The following POF1B variants were observed in gnomAD, a reference collection of about 807,000 sequenced individuals.
The protein encoded by POF1B is POF1B actin binding protein, also known as protein POF1B.
Under a neutral mutation model 55.3 loss-of-function variants are expected in POF1B, and 53 were observed. The observed-to-expected ratio is 0.96, with a 90% CI of 0.77 to 1.20. POF1B has a LOEUF of 1.20. Ranked by LOEUF, POF1B falls within the 50% of genes most tolerant of loss-of-function variation. The pLI is 0.00. For synonymous variants in POF1B, 188 were observed against 148.3 expected, an observed-to-expected ratio of 1.27 and a Z score of -1.95; for missense variants, 478 against 420.5, an observed-to-expected ratio of 1.14 and a Z score of -1.20.
intron 3 of POF1B, among the ~76,000 whole-genome samples, chrX:85,363,869 G>A (rs750180536): frequency 1.8e-5 from 2 of 111,030 alleles, no homozygotes; most frequent in African/African-American, 3.3e-5. Context: ...CACTATTATC[G>A]CATGGGAGTC....
Position 85,314,475 on chromosome X carries a change from C to G in POF1B, c.914G>C (p.Gly305Ala). ...TTGCTGTTTTGTAAACTCTGATAAT[C>G]CTTTAGGAATCAATGATTCAATGTC... ...SEDIESLIPK[G>A]LSEFTKQQIR... The change falls in exon 9 of 17, where the codon GGA becomes GCA. Residue 305 changes from glycine to alanine, a missense_variant. Physicochemically the swap from Gly to Ala is moderately conservative, Grantham distance 60. Transcript: ENST00000262753. 8.4e-7 allele frequency: 1 copy of G among 1,197,471 alleles called. No homozygotes were observed. The highest frequency in any genetic ancestry group is 1.8e-5 in the South Asian group (1 of 54,758).
At chrX:85,317,792 C>T (rs1489343767) in intron 7 of POF1B, among the ~76,000 whole-genome samples, 1 of 111,584 alleles carries the variant, frequency 9.0e-6, no homozygotes, top group Non-Finnish European at 1.9e-5. Context: ...CAGCACTATT[C>T]ACAATAGCAA....
chrX:85,359,538 T>C lies in POF1B; in HGVS notation c.438+12A>G. ...CTAAAGAATTATATGTTGGTAAAAG[T>C]TGGTGTCTTACCTGTTCAGGATTTT... On this transcript the variant is annotated intron_variant, in intron 4 of 16. Transcript: ENST00000262753. 1.7e-6 allele frequency: 2 copies of C among 1,154,161 alleles called. No homozygotes were observed. The highest frequency in any genetic ancestry group is 2.4e-6 in the Non-Finnish European group (2 of 848,708).
intron 4 of POF1B, 99 bp from the exon 5 acceptor site, chrX:85,351,550 C>T: frequency 1.9e-6 from 1 of 535,139 alleles, no homozygotes. Flanking sequence ...CTCTGAAGTA[C>T]TGGCTGACCT....
intron 2 of POF1B, among the ~76,000 whole-genome samples, chrX:85,372,298 C>G (rs1180195032): frequency 1.9e-5 from 2 of 102,666 alleles, no homozygotes; most frequent in African/African-American, 3.7e-5. Flanking sequence ...GAGCCGAGAT[C>G]GTGCCACTGT....
chrX:85,342,965 A>G (rs918151088), intron 6 of POF1B, among the ~76,000 whole-genome samples: 2 of 100,688 alleles, frequency 2.0e-5, no homozygotes, highest in Non-Finnish European at 4.0e-5. Flanking sequence ...AGCTTCCTGT[A>G]GAGTGGTGCT....
intron 6 of POF1B, among the ~76,000 whole-genome samples, chrX:85,332,745 A>T (rs1229230662): frequency 9.0e-6 from 1 of 111,671 alleles, no homozygotes; most frequent in Non-Finnish European, 1.9e-5. Context: ...AGTTAAAAAA[A>T]GTGAGACACA....
At chrX:85,338,119 C>T (rs991068332) in intron 6 of POF1B, among the ~76,000 whole-genome samples, 2 of 110,812 alleles carry the variant, frequency 1.8e-5, no homozygotes, top group African/African-American at 6.6e-5. Context: ...CCTAAGTAAA[C>T]ATTTGTTGGA....
At chrX:85,356,566 C>A (rs1389556309) in intron 4 of POF1B, among the ~76,000 whole-genome samples, 1 of 110,356 alleles carries the variant, frequency 9.1e-6, no homozygotes, top group Non-Finnish European at 1.9e-5. Flanking sequence ...AAAAAACCTC[C>A]AAATTTAGAG....
chrX:85,318,731 G>A (rs758414161), intron 7 of POF1B, among the ~76,000 whole-genome samples: 1 of 111,269 alleles, frequency 9.0e-6, no homozygotes, highest in Non-Finnish European at 1.9e-5. Context: ...GGGTCTGTGT[G>A]TCTGTTTTTG....
At chrX:85,330,715 G>A in intron 7 of POF1B, among the ~76,000 whole-genome samples, 1 of 111,370 alleles carries the variant, frequency 9.0e-6, no homozygotes, top group East Asian at 2.8e-4. Flanking sequence ...TAGACCTAAT[G>A]TAAATGACGA....
chrX:85,319,064 G>A (rs900965447), intron 7 of POF1B, among the ~76,000 whole-genome samples: 2 of 110,550 alleles, frequency 1.8e-5, no homozygotes, highest in African/African-American at 6.6e-5. Flanking sequence ...TTTCTAATTC[G>A]TATTGTAAAG....
chrX:85,355,512 T>C (rs1054807617), intron 4 of POF1B, among the ~76,000 whole-genome samples: 1 of 110,635 alleles, frequency 9.0e-6, no homozygotes, highest in African/African-American at 3.3e-5. Context: ...ACCATCAGAG[T>C]GAAAAGGCAA....
chrX:85,317,005 T>C (rs1932793266), intron 7 of POF1B, among the ~76,000 whole-genome samples: 1 of 110,751 alleles, frequency 9.0e-6, no homozygotes, highest in Non-Finnish European at 1.9e-5. Flanking sequence ...ATTAGTTTGC[T>C]AAGAATAACA....
chrX:85,355,431 T>C (rs1229454173), intron 4 of POF1B, among the ~76,000 whole-genome samples: 2 of 111,799 alleles, frequency 1.8e-5, no homozygotes, highest in Non-Finnish European at 3.8e-5. Context: ...CCAAAAGCAA[T>C]GGTAACAAAA....
rs182040115 is a variant in POF1B at position 85,279,038 on chromosome X, A to G, written c.*383T>C. ...CTTGTAACTGAACTGCACATATAAT[A>G]TCAGAGAAAATCTTCTAATGGCATG... On this transcript the variant is annotated 3_prime_UTR_variant, in exon 17 of 17. Coordinates refer to ENST00000262753, the MANE Select transcript of POF1B (RefSeq NM_024921.4). 9.0e-4 allele frequency: 122 copies of G among 135,852 alleles called. No individual in the cohort carries two copies. The highest frequency in any genetic ancestry group is 3.5e-3 in the African/African-American group (110 of 31,849). The allele number at this position is 135,852 out of a possible 1,213,427, so 11.2% of individuals were successfully genotyped here. A position where few individuals can be genotyped will look rare whatever the true frequency, so the allele number is the denominator to read the frequency against.
At chrX:85,307,936 T>C (rs1932613023) in intron 10 of POF1B, among the ~76,000 whole-genome samples, 188 bp downstream of exon 10, 1 of 111,879 alleles carries the variant, frequency 8.9e-6, no homozygotes, top group African/African-American at 3.2e-5. Context: ...CTTTCATTTA[T>C]ACTTTGGATA....
In POF1B at chrX:85,278,637, A is replaced by G. The variant is rs377339269; in HGVS notation, c.*784T>C. The G allele has an allele frequency of 9.9e-5, 11 of 111,309 alleles. No homozygotes were observed. In the South Asian group the frequency reaches 3.0e-3, roughly 30 times the overall value. 9.2% of individuals were successfully genotyped at this position (111,309 alleles called of 1,213,427 possible). On this transcript the variant is annotated 3_prime_UTR_variant, in exon 17 of 17. Transcript: ENST00000262753. ...TGATATGTTTGCATACCACTATGAA[A>G]AAACTTACCTTCCTTACACCTACTA...
chrX:85,305,272 A>G (rs893412042), intron 13 of POF1B, among the ~76,000 whole-genome samples: 1 of 111,389 alleles, frequency 9.0e-6, no homozygotes, highest in Non-Finnish European at 1.9e-5. Flanking sequence ...AAGTAAATTC[A>G]ACCTAGAATT....
Sources: allele counts gnomAD v4.1 joint callset (sites outside exome capture counted in the v4.1 genomes callset), GRCh38; gene constraint gnomAD v4.1.1; transcripts MANE v1.5; gene names NCBI Gene and HGNC (gene_info 2026-07-23, HGNC 2026-07-21).